BICRA: variants seen among roughly 807,000 people sequenced by gnomAD.
BICRA encodes the protein BRD4-interacting chromatin-remodeling complex-associated protein.
In BICRA, 31 loss-of-function variants were observed where a neutral mutation model predicts 96.9. That is an observed-to-expected ratio of 0.32 (90% confidence interval 0.24 to 0.43). The LOEUF (loss-of-function observed/expected upper bound fraction) is 0.43. BICRA is among the 20% of genes least tolerant of loss of function. The probability of loss-of-function intolerance (pLI) is 1.00; values close to 1 mark genes in which losing one functional copy is unlikely to be tolerated. For missense variants in BICRA, 2,283 were observed against 2,190.3 expected (o/e 1.04, Z -0.84); for synonymous variants, 1,350 against 1,071.8 (o/e 1.26, Z -5.07).
chr19:47,673,647 T>C (rs776824884), intron 3 of BICRA, 32 bp downstream of exon 3: 2 of 1,368,822 alleles, frequency 1.5e-6, no homozygotes, highest in South Asian at 2.3e-5. Flanking sequence ...CCCTGCCCTC[T>C]GTCTCAACCC....
chr19:47,638,221 A>G (rs1309343053), intron 1 of BICRA, among the ~76,000 whole-genome samples: 1 of 152,128 alleles, frequency 6.6e-6, no homozygotes, highest in East Asian at 1.9e-4. Flanking sequence ...GCCCTGAGGC[A>G]GCTCTGCTCC....
At chr19:47,620,817 A>C (rs1459355569) in intron 1 of BICRA, among the ~76,000 whole-genome samples, 2 of 151,962 alleles carry the variant, frequency 1.3e-5, no homozygotes, top group Non-Finnish European at 2.9e-5. Context: ...CATTTTCATC[A>C]AGCGCTGTCT....
chr19:47,656,602 G>GT (rs1169009429), intron 1 of BICRA, among the ~76,000 whole-genome samples: 1 of 151,984 alleles, frequency 6.6e-6, no homozygotes, highest in Non-Finnish European at 1.5e-5. Flanking sequence ...TTGCACAGGG[G>GT]TTTTTTTTCT....
chr19:47,702,361 C>T lies in BICRA; in HGVS notation c.4629C>T (p.Ala1543=). The part of the protein sequence containing the change: ...ASPPPLHRPE[A]YPPSSHNGGL... ...CGCCGCCCCTGCACAGGCCCGAGGCCTACCCACCCTCCAGTCACAACGGTG... is the reference window on the plus strand; with the variant it reads ...CGCCGCCCCTGCACAGGCCCGAGGCTTACCCACCCTCCAGTCACAACGGTG... The change falls in exon 15 of 15, where the codon GCC becomes GCT. Residue 1543 remains alanine, a synonymous_variant. Transcript: ENST00000594866. 6.5e-7 allele frequency: 1 copy of T among 1,530,022 alleles called. No individual in the cohort carries two copies. Among genetic ancestry groups the T allele is most frequent in the Non-Finnish European group, 8.7e-7 (1 of 1,149,938 alleles). The allele number at this position is 1,530,022 out of a possible 1,614,324, so 94.8% of individuals were successfully genotyped here. A position where few individuals can be genotyped will look rare whatever the true frequency, so the allele number is the denominator to read the frequency against.
rs773160218 is a variant in BICRA, at chr19:47,702,355, C to G, written c.4623C>G (p.Pro1541=). The change falls in exon 15 of 15, where the codon CCC becomes CCG. Residue 1541 remains proline, a synonymous_variant. Transcript: ENST00000594866. ...CATCCCCGCCGCCCCTGCACAGGCC[C>G]GAGGCCTACCCACCCTCCAGTCACA... is the stretch of plus-strand genomic sequence containing the variant. The part of the protein sequence containing the change: ...TPASPPPLHR[P]EAYPPSSHNG... 2.6e-6 allele frequency: 4 copies of G among 1,533,606 alleles called. No homozygotes were observed. The highest frequency in any genetic ancestry group is 3.5e-6 in the Non-Finnish European group (4 of 1,151,172). The allele number at this position is 1,533,606 out of a possible 1,614,324, so 95.0% of individuals were successfully genotyped here.
At position 47,681,206 on chromosome 19, in the gene BICRA, T is replaced by G; in HGVS notation, c.2036T>G (p.Leu679Arg). Reference protein sequence around the residue: ...GLASSPEKIVLGQPPSATPTA... With the variant: ...GLASSPEKIVRGQPPSATPTA... ...GCGTCTAGCCCGGAGAAGATCGTCC[T>G]GGGGCAGCCGCCCTCTGCCACCCCC... Residue 679 changes from leucine (L) to arginine (R), a missense_variant, in exon 6 of 15, where the codon CTG becomes CGG. Physicochemically the swap from Leu to Arg is moderately radical, Grantham distance 102. Coordinates refer to ENST00000594866, the MANE Select transcript of BICRA (RefSeq NM_001394372.1). 6.5e-7 allele frequency: 1 copy of G among 1,532,762 alleles called. No homozygotes were observed. The highest frequency in any genetic ancestry group is 8.7e-7 in the Non-Finnish European group (1 of 1,144,298). The allele number at this position is 1,532,762 out of a possible 1,614,324, so 94.9% of individuals were successfully genotyped here. A position where few individuals can be genotyped will look rare whatever the true frequency, so the allele number is the denominator to read the frequency against.
Position 47,702,155 on chromosome 19 carries a change from C to A in BICRA, c.4423C>A (p.Arg1475Ser). Reference protein sequence around the residue: ...EAPGLPPAKRRKSESPDVDQA... With the variant: ...EAPGLPPAKRSKSESPDVDQA... ...GCCCGGGCTGCCCCCTGCCAAGCGGCGCAAGTCCGAGTCGCCCGACGTGGA... is the reference window on the plus strand; with the variant it reads ...GCCCGGGCTGCCCCCTGCCAAGCGGAGCAAGTCCGAGTCGCCCGACGTGGA... The change falls in exon 15 of 15, where the codon CGC becomes AGC. Residue 1475 changes from arginine (R) to serine (S), a missense_variant. By Grantham distance (110) the Arg-to-Ser change is moderately radical (BLOSUM62 -1). Transcript: ENST00000594866. The A allele has an allele frequency of 6.4e-7, 1 of 1,560,054 alleles. No individual in the cohort carries two copies. The highest frequency in any genetic ancestry group is 2.4e-5 in the East Asian group (1 of 41,474).
rs373404174 is a variant in BICRA, at chr19:47,683,349, T to C, written c.2283+1197T>C. ...TGAAAAATAGTATCTTGTTTTGTTT[T>C]CATTTGCATTTCTTTTATTGTGAAT... On this transcript the variant is annotated intron_variant, in intron 7 of 14. Coordinates refer to ENST00000594866, the MANE Select transcript of BICRA (RefSeq NM_001394372.1). Among the ~76,000 whole-genome samples, 38 of 152,290 alleles carry C rather than the reference T, an allele frequency of 2.5e-4. 1 individual carries two copies. In the East Asian group the frequency reaches 4.4e-3, roughly 18 times the overall value.
At chr19:47,616,888 G>A (rs1462460923) in intron 1 of BICRA, among the ~76,000 whole-genome samples, 2 of 151,632 alleles carry the variant, frequency 1.3e-5, no homozygotes, top group Non-Finnish European at 2.9e-5. Context: ...GAGTACAGTG[G>A]TGTGATCTTG....
At position 47,660,546 on chromosome 19, in the gene BICRA, T is replaced by G. The variant is rs1599828510; in HGVS notation, c.-107-9897T>G. 2.0e-5 allele frequency among the ~76,000 whole-genome samples: 3 copies of G among 152,212 alleles called. No homozygotes were observed. The East Asian group carries it at 5.8e-4, about 29-fold the overall frequency. The stretch of plus-strand genomic sequence containing the variant: ...CTAAGAGCTTAACTTCTAGGCGTCA[T>G]AGCATGTTAAGTCCACGTACCAGGT... On this transcript the variant is annotated intron_variant, in intron 1 of 14. Transcript: ENST00000594866.
At chr19:47,625,701 G>A (rs1276195977) in intron 1 of BICRA, among the ~76,000 whole-genome samples, 1 of 152,142 alleles carries the variant, frequency 6.6e-6, no homozygotes, top group Non-Finnish European at 1.5e-5. Flanking sequence ...GGAGGAGGTG[G>A]TACTGGGTTG....
At chr19:47,685,786 T>TGTGCGCGC in intron 7 of BICRA, among the ~76,000 whole-genome samples, 118 of 117,958 alleles carry the variant, frequency 1.0e-3, no homozygotes, top group Admixed American at 3.0e-3. Context: ...TGTGTGTGTG[T>TGTGCGCGC]GCGCGCGCGC....
intron 1 of BICRA, among the ~76,000 whole-genome samples, chr19:47,616,895 C>T (rs143976916): frequency 1.3e-5 from 2 of 148,376 alleles, no homozygotes; most frequent in South Asian, 4.3e-4. Context: ...GTGGTGTGAT[C>T]TTGGCTCACT....
At chr19:47,696,558 A>G in intron 11 of BICRA, 46 bp downstream of exon 11, 2 of 1,544,164 alleles carry the variant, frequency 1.3e-6, no homozygotes, top group Non-Finnish European at 1.8e-6. Context: ...TACCTTCCAG[A>G]GACCTGGGGG....
Position 47,695,432 on chromosome 19 carries a change from C to T in BICRA, c.3144C>T (p.Ala1048=), listed in dbSNP as rs1163812709. ...GCAACCTCCCGACCCTGAATGTGGC[C>T]AAGGCCGCTTCCTCCGGGCCAGGGA... is the stretch of plus-strand genomic sequence containing the variant. The part of the protein sequence containing the change: ...FASNLPTLNV[A]KAASSGPGKP... Residue 1048 remains alanine, a synonymous_variant, in exon 10 of 15, where the codon GCC becomes GCT. Transcript: ENST00000594866. The T allele has an allele frequency of 6.3e-7, 1 of 1,588,492 alleles. No individual in the cohort carries two copies. Among genetic ancestry groups the T allele is most frequent in the East Asian group, 2.3e-5 (1 of 43,252 alleles).
intron 1 of BICRA, among the ~76,000 whole-genome samples, chr19:47,651,783 A>G (rs1390823656): frequency 6.6e-6 from 1 of 152,214 alleles, no homozygotes; most frequent in East Asian, 1.9e-4. Context: ...TTGGGCAGAC[A>G]ATGCTGGTTC....
chr19:47,664,061 G>A (rs1173845509), intron 1 of BICRA, among the ~76,000 whole-genome samples: 2 of 152,134 alleles, frequency 1.3e-5, no homozygotes, highest in Admixed American at 6.6e-5. Flanking sequence ...TTCTGCGAGC[G>A]GAGGAGGAGA....
chr19:47,698,516 C>T lies in BICRA; in HGVS notation c.3249-118C>T. 4 of 666,220 alleles carry T rather than the reference C, an allele frequency of 6.0e-6. No homozygotes were observed. Among genetic ancestry groups the T allele is most frequent in the South Asian group, 5.3e-5 (3 of 56,564 alleles). 41.3% of individuals were successfully genotyped at this position (666,220 alleles called of 1,614,324 possible). ...TGGGAACACCACTGCCCAAGTATTC[C>T]CCTTCCCGCTGTTGTGTTCAGTTGC... On this transcript the variant is annotated intron_variant, in intron 11 of 14. Transcript: ENST00000594866. This position sits in a 1 kb window ranked among gnomAD's most constrained non-coding sequence, Gnocchi z 4.8.
chr19:47,694,974 G>A lies in BICRA; in HGVS notation c.2970G>A (p.Gly990=). Residue 990 remains glycine (G), a synonymous_variant, in exon 9 of 15, where the codon GGG becomes GGA. Transcript: ENST00000594866. The stretch of plus-strand genomic sequence containing the variant: ...CCCCGCAGACCTCCACCAGCCTGGG[G>A]CCCCTCACCAGCCCCGCTGCGTCTG... The part of the protein sequence containing the change: ...PAAPQTSTSL[G]PLTSPAASVL... 8 of 1,555,890 alleles carry A rather than the reference G, an allele frequency of 5.1e-6. No homozygotes were observed. The highest frequency in any genetic ancestry group is 4.3e-6 in the Non-Finnish European group (5 of 1,158,412).
Sources: gnomAD v4.1 joint callset for allele counts (sites outside exome capture counted in the v4.1 genomes callset) on GRCh38, gnomAD v4.1.1 for gene constraint, Gnocchi (gnomAD v3.1) non-coding constraint, MANE v1.5 for transcripts, NCBI Gene and HGNC (gene_info 2026-07-23, HGNC 2026-07-21) for gene names.